RAD51B: variants seen among roughly 807,000 people sequenced by gnomAD.
RAD51B encodes DNA repair protein RAD51 homolog 2.
RAD51B carries 38 observed loss-of-function variants against 42.2 expected under a neutral mutation model. That is an observed-to-expected ratio of 0.90 (90% confidence interval 0.70 to 1.18). The LOEUF (loss-of-function observed/expected upper bound fraction) is 1.18. Among genes scored for constraint, RAD51B ranks in the 50% most tolerant of loss-of-function variants. RAD51B has a pLI of 0.00. For synonymous variants in RAD51B, 154 were observed against 145.2 expected, an observed-to-expected ratio of 1.06 and a Z score of -0.43; for missense variants, 373 against 400.7, an observed-to-expected ratio of 0.93 and a Z score of 0.59.
intron 8 of RAD51B, among the ~76,000 whole-genome samples, chr14:68,318,235 A>G (rs2082096262): frequency 6.6e-6 from 1 of 152,196 alleles, no homozygotes; most frequent in Non-Finnish European, 1.5e-5. Context: ...GTCCAGTTCA[A>G]CCTGGCCATA....
chr14:67,846,883 C>T (rs984315141), intron 4 of RAD51B, among the ~76,000 whole-genome samples: 2 of 152,150 alleles, frequency 1.3e-5, no homozygotes, highest in Admixed American at 1.3e-4. Context: ...CTGCACCAAA[C>T]CCTCTGGGTT....
intron 7 of RAD51B, among the ~76,000 whole-genome samples, chr14:68,266,441 G>C (rs758956630): frequency 1.3e-5 from 2 of 152,152 alleles, no homozygotes; most frequent in Non-Finnish European, 2.9e-5. Context: ...CTGGAATGAA[G>C]ATCTTAAGGC....
intron 10 of RAD51B, among the ~76,000 whole-genome samples, chr14:68,526,924 C>G (rs1038731228): frequency 6.6e-6 from 1 of 152,216 alleles, no homozygotes; most frequent in African/African-American, 2.4e-5. Flanking sequence ...AACAGGCTTC[C>G]CCTTCTGGGT....
intron 7 of RAD51B, among the ~76,000 whole-genome samples, chr14:68,267,850 A>AATTT (rs1176600212): frequency 2.6e-5 from 4 of 152,198 alleles, no homozygotes; most frequent in Admixed American, 2.6e-4. Flanking sequence ...ATAATTAAAC[A>AATTT]ATTTATTTCA....
chr14:68,391,435 G>A (rs2083756411), intron 8 of RAD51B, among the ~76,000 whole-genome samples: 1 of 151,968 alleles, frequency 6.6e-6, no homozygotes, highest in Non-Finnish European at 1.5e-5. Flanking sequence ...AGCAGAAATG[G>A]GATCTGAATT....
chr14:68,559,542 G>A (rs372531460), intron 10 of RAD51B, among the ~76,000 whole-genome samples: 7 of 151,812 alleles, frequency 4.6e-5, no homozygotes, highest in African/African-American at 1.2e-4. Context: ...CACCACACCC[G>A]GCTAATTTTT....
chr14:68,313,394 T>C (rs1440244511), intron 8 of RAD51B, among the ~76,000 whole-genome samples: 1 of 152,210 alleles, frequency 6.6e-6, no homozygotes, highest in Non-Finnish European at 1.5e-5. Flanking sequence ...CTTTTGTTTG[T>C]TGTTTTTAAC....
intron 5 of RAD51B, among the ~76,000 whole-genome samples, chr14:67,881,006 C>T (rs2042889065): frequency 6.6e-6 from 1 of 152,150 alleles, no homozygotes; most frequent in South Asian, 2.1e-4. Context: ...GATGGTATAG[C>T]CTACTGCGCA....
At chr14:68,377,681 A>G (rs1407109156) in intron 8 of RAD51B, among the ~76,000 whole-genome samples, 1 of 152,226 alleles carries the variant, frequency 6.6e-6, no homozygotes, top group Non-Finnish European at 1.5e-5. Context: ...CTCTGCCACA[A>G]ACAGAGGAGG....
chr14:68,165,408 T>C (rs1196809275), intron 7 of RAD51B, among the ~76,000 whole-genome samples: 1 of 152,192 alleles, frequency 6.6e-6, no homozygotes, highest in African/African-American at 2.4e-5. Context: ...AATGGCCATC[T>C]AGAGGTTACT....
At chr14:68,473,950 A>G (rs1441689491) in intron 10 of RAD51B, among the ~76,000 whole-genome samples, 1 of 152,212 alleles carries the variant, frequency 6.6e-6, no homozygotes, top group East Asian at 1.9e-4. Flanking sequence ...ATTGTACACG[A>G]TTTCACAACT....
Position 68,527,082 on chromosome 14 carries a change from A to G in RAD51B, c.1036+58832A>G, listed in dbSNP as rs753736251. Among the ~76,000 whole-genome samples, 31 of 152,256 alleles carry G rather than the reference A, an allele frequency of 2.0e-4. 1 individual carries two copies. The highest frequency in any genetic ancestry group is 4.3e-4 in the Non-Finnish European group (29 of 68,046). ...GGGGAGCTCAGGAAAGAAGAAAGTT[A>G]CATCCGCACAAAGTTTCAATTATAA... is the stretch of plus-strand genomic sequence containing the variant. On this transcript the variant is annotated intron_variant, in intron 10 of 10. Transcript: ENST00000487270.
intron 8 of RAD51B, among the ~76,000 whole-genome samples, chr14:68,400,546 T>C (rs1169782634): frequency 6.6e-6 from 1 of 152,190 alleles, no homozygotes; most frequent in Admixed American, 6.5e-5. Context: ...AGAATTCAAC[T>C]CTGGTATCCG....
At chr14:68,194,816 T>A (rs2079337419) in intron 7 of RAD51B, among the ~76,000 whole-genome samples, 1 of 152,216 alleles carries the variant, frequency 6.6e-6, no homozygotes, top group Non-Finnish European at 1.5e-5. Flanking sequence ...ATTATAATGT[T>A]AAAGATATTC....
At chr14:68,209,749 A>G (rs2079664079) in intron 7 of RAD51B, among the ~76,000 whole-genome samples, 1 of 152,192 alleles carries the variant, frequency 6.6e-6, no homozygotes, top group African/African-American at 2.4e-5. Context: ...GTGTTTAGGC[A>G]TCAAAGAAAG....
intron 9 of RAD51B, among the ~76,000 whole-genome samples, chr14:68,455,102 G>C (rs2085652024): frequency 6.6e-6 from 1 of 152,182 alleles, no homozygotes; most frequent in Non-Finnish European, 1.5e-5. Flanking sequence ...CAGCATTTAA[G>C]GAAATCTGTC....
chr14:68,425,397 A>G lies in RAD51B; in HGVS notation c.957+13870A>G, dbSNP rs374108103. Among the ~76,000 whole-genome samples the G allele has an allele frequency of 7.2e-5, 11 of 152,394 alleles. No homozygotes were observed. In the East Asian group the frequency reaches 2.1e-3, roughly 29 times the overall value. ...AGGACCTGTAAGAGGTGATCAGCCC[A>G]TGAGGGCCCTGCCCTCATGAATGAT... On this transcript the variant is annotated intron_variant, in intron 9 of 10. Coordinates refer to ENST00000471583, the MANE Select transcript of RAD51B (RefSeq NM_133510.4).
At chr14:67,867,633 G>GT (rs2042372037) in intron 5 of RAD51B, among the ~76,000 whole-genome samples, 1 of 152,156 alleles carries the variant, frequency 6.6e-6, no homozygotes, top group Non-Finnish European at 1.5e-5. Context: ...GAAGATCGTC[G>GT]TAACAATCAT....
chr14:68,539,925 T>C (rs991752663), intron 10 of RAD51B, among the ~76,000 whole-genome samples: 8 of 152,208 alleles, frequency 5.3e-5, no homozygotes, highest in Non-Finnish European at 1.2e-4. Context: ...TGTTGGCTCC[T>C]GTGTTTGCTG....
Sources: allele counts gnomAD v4.1 joint callset (sites outside exome capture counted in the v4.1 genomes callset), GRCh38; gene constraint gnomAD v4.1.1; transcripts MANE v1.5; gene names NCBI Gene and HGNC (gene_info 2026-07-23, HGNC 2026-07-21).